The following UTP14C variants were observed in gnomAD, a reference collection of about 807,000 sequenced individuals.
UTP14C encodes the protein U3 small nucleolar RNA-associated protein 14 homolog C.
UTP14C carries 10 observed loss-of-function variants against 14.6 expected under a neutral mutation model. The observed-to-expected ratio is 0.68, with a 90% CI of 0.42 to 1.16. The LOEUF is 1.16. Among genes scored for constraint, UTP14C ranks in the 50% most tolerant of loss-of-function variants. The pLI is 0.00. For synonymous variants in UTP14C, 315 were observed against 331.6 expected (o/e 0.95, Z 0.54); for missense variants, 818 against 890.8 (o/e 0.92, Z 1.04).
rs770374423 is a variant in UTP14C at position 52,030,698 on chromosome 13, G to A, written c.1894G>A (p.Glu632Lys). ...DVDLTLPGWG[E>K]WGGVGLKPSA... ...GGACCTGACACTACCTGGCTGGGGC[G>A]AGTGGGGTGGTGTGGGCCTAAAGCC... Residue 632 changes from glutamate (E) to lysine (K), a missense_variant, in exon 2 of 2, where the codon GAG (glutamate) becomes AAG (lysine). Transcript: ENST00000521776. The A allele has an allele frequency of 1.2e-5, 20 of 1,614,230 alleles. No individual in the cohort carries two copies. The highest frequency in any genetic ancestry group is 4.5e-5 in the East Asian group (2 of 44,892).
rs1381031496 is a variant in UTP14C, at chr13:52,029,152, GTTACCTC to G, written c.352_358del (p.Pro118ThrfsTer12). On this transcript the variant is annotated frameshift_variant, in exon 2 of 2. Transcript: ENST00000521776. LOFTEE classifies it low-confidence loss of function (END_TRUNC). ...GAGTCAAATCAAAGAAGGTGGTGGAGTTACCTCTTAACAAAGAAAAAATTGAACAGAT... is the reference window on the plus strand; with the variant it reads ...GAGTCAAATCAAAGAAGGTGGTGGAGTTAACAAAGAAAAAATTGAACAGAT... The G allele has an allele frequency of 6.8e-6, 11 of 1,614,204 alleles. No homozygotes were observed. The highest frequency in any genetic ancestry group is 8.5e-6 in the Non-Finnish European group (10 of 1,180,040).
In UTP14C at chr13:52,029,996, G is replaced by T; in HGVS notation, c.1192G>T (p.Ala398Ser). 1 of 1,614,262 alleles carries T rather than the reference G, an allele frequency of 6.2e-7. No homozygotes were observed. The highest frequency in any genetic ancestry group is 8.5e-7 in the Non-Finnish European group (1 of 1,180,048). The change falls in exon 2 of 2, where the codon GCA becomes TCA. Residue 398 changes from alanine to serine, a missense_variant. Physicochemically the swap from Ala to Ser is moderately conservative, Grantham distance 99 (BLOSUM62 1). Coordinates refer to ENST00000521776, the MANE Select transcript of UTP14C (RefSeq NM_021645.6). The part of the protein sequence containing the change: ...QEDPEQVPEL[A>S]AHEVSASEAE... ...GGACCCTGAGCAAGTGCCAGAGCTT[G>T]CAGCTCATGAGGTTTCTGCAAGTGA...
At position 52,030,702 on chromosome 13, in the gene UTP14C, G is replaced by C. The variant is rs1482405477; in HGVS notation, c.1898G>C (p.Trp633Ser). The C allele has an allele frequency of 1.9e-6, 3 of 1,614,194 alleles. No individual in the cohort carries two copies. Among genetic ancestry groups the C allele is most frequent in the Non-Finnish European group, 2.5e-6 (3 of 1,180,036 alleles). ...CTGACACTACCTGGCTGGGGCGAGTGGGGTGGTGTGGGCCTAAAGCCCAGT... is the reference window on the plus strand; with the variant it reads ...CTGACACTACCTGGCTGGGGCGAGTCGGGTGGTGTGGGCCTAAAGCCCAGT... ...VDLTLPGWGE[W>S]GGVGLKPSAK... Residue 633 changes from tryptophan to serine, a missense_variant, in exon 2 of 2, where the codon TGG (tryptophan) becomes TCG (serine). Transcript: ENST00000521776.
chr13:52,030,267 A>T lies in UTP14C; in HGVS notation c.1463A>T (p.Glu488Val), dbSNP rs1471100093. 6.2e-7 allele frequency: 1 copy of T among 1,614,242 alleles called. No individual in the cohort carries two copies. Among genetic ancestry groups the T allele is most frequent in the East Asian group, 2.2e-5 (1 of 44,884 alleles). ...GGGACTGTTCCCCAGGTCCAGAGAGAGGAACCTGCCCCAGAAGAAGCGGAA... is the reference window on the plus strand; with the variant it reads ...GGGACTGTTCCCCAGGTCCAGAGAGTGGAACCTGCCCCAGAAGAAGCGGAA... ...SEGTVPQVQR[E>V]EPAPEEAEPL... Residue 488 changes from glutamate to valine, a missense_variant, in exon 2 of 2, where the codon GAG (glutamate) becomes GTG (valine). Transcript: ENST00000521776.
rs568068560 is a variant in UTP14C, at chr13:52,031,954, G to T, written c.*849G>T. ...ACGACAGTTAAGGGCTGGGTGCGGTGTCTCACACCTGTAATCCCAGCACTT... is the reference window on the plus strand; with the variant it reads ...ACGACAGTTAAGGGCTGGGTGCGGTTTCTCACACCTGTAATCCCAGCACTT... On this transcript the variant is annotated 3_prime_UTR_variant, in exon 2 of 2. Coordinates refer to ENST00000521776, the MANE Select transcript of UTP14C (RefSeq NM_021645.6). 114 of 166,462 alleles carry T rather than the reference G, an allele frequency of 6.8e-4. 2 individuals carry two copies. Among genetic ancestry groups the T allele is most frequent in the South Asian group, 1.9e-3 (9 of 4,828 alleles). The allele number at this position is 166,462 out of a possible 1,614,324, so 10.3% of individuals were successfully genotyped here.
Position 52,030,804 on chromosome 13 carries a change from T to A in UTP14C, c.2000T>A (p.Ile667Asn). ...AAAGATAAGAATTTGCCAAATGTGA[T>A]TATCAGTGAGAAGCGCAACATCCAC... ...PRKDKNLPNVIISEKRNIHAA... is the reference protein window; with the variant it reads ...PRKDKNLPNVNISEKRNIHAA... The change falls in exon 2 of 2, where the codon ATT becomes AAT. Residue 667 changes from isoleucine (I) to asparagine (N), a missense_variant. Transcript: ENST00000521776. 6.2e-7 allele frequency: 1 copy of A among 1,614,180 alleles called. No homozygotes were observed. Among genetic ancestry groups the A allele is most frequent in the Non-Finnish European group, 8.5e-7 (1 of 1,180,034 alleles).
Position 52,024,812 on chromosome 13 carries a change from C to T in UTP14C, c.-612C>T. 6.2e-7 allele frequency: 1 copy of T among 1,614,092 alleles called. No homozygotes were observed. Among genetic ancestry groups the T allele is most frequent in the East Asian group, 2.2e-5 (1 of 44,886 alleles). On this transcript the variant is annotated 5_prime_UTR_variant, in exon 1 of 2. Transcript: ENST00000521776. Reference sequence around the variant, plus strand: ...AGGGTAAACCAACTGAGAAGGCTGTCTGAGGATTTAGGAGTTCAAGAATAT... The same window carrying T: ...AGGGTAAACCAACTGAGAAGGCTGTTTGAGGATTTAGGAGTTCAAGAATAT...
At chr13:52,028,220 A>G (rs1428994396) in intron 1 of UTP14C, 99 bp from the exon 2 acceptor site, 19 of 1,401,738 alleles carry the variant, frequency 1.4e-5, no homozygotes, top group African/African-American at 1.4e-5. Context: ...TAAGTTTCTC[A>G]TAAGTCCCTT....
chr13:52,030,901 G>C lies in UTP14C; in HGVS notation c.2097G>C (p.Gln699His). Residue 699 changes from glutamine (Q) to histidine (H), a missense_variant, in exon 2 of 2, where the codon CAG (glutamine) becomes CAC (histidine). Transcript: ENST00000521776. ...THHRQFERTI[Q>H]TPIGSTWNTQ... ...ATCGGCAATTTGAAAGGACCATCCA[G>C]ACCCCTATAGGATCCACATGGAACA... 6.2e-7 allele frequency: 1 copy of C among 1,614,130 alleles called. No homozygotes were observed. The highest frequency in any genetic ancestry group is 8.5e-7 in the Non-Finnish European group (1 of 1,180,026).
At position 52,031,502 on chromosome 13, in the gene UTP14C, C is replaced by T. The variant is rs1442960678; in HGVS notation, c.*397C>T. 1 of 190,250 alleles carries T rather than the reference C, an allele frequency of 5.3e-6. No individual in the cohort carries two copies. The highest frequency in any genetic ancestry group is 1.5e-4 in the East Asian group (1 of 6,598). 11.8% of individuals were successfully genotyped at this position (190,250 alleles called of 1,614,324 possible). ...GGTGCTGCCAGCAATCCTTTCCATA[C>T]TAGGTACTGGTGAAAATTGTTTTTG... On this transcript the variant is annotated 3_prime_UTR_variant, in exon 2 of 2. Coordinates refer to ENST00000521776, the MANE Select transcript of UTP14C (RefSeq NM_021645.6).
rs1954327023 is a variant in UTP14C at position 52,033,495 on chromosome 13, A to G, written c.*2390A>G. 1 of 167,054 alleles carries G rather than the reference A, an allele frequency of 6.0e-6. No individual in the cohort carries two copies. Among genetic ancestry groups the G allele is most frequent in the Admixed American group, 6.5e-5 (1 of 15,272 alleles). The allele number at this position is 167,054 out of a possible 1,614,324, so 10.3% of individuals were successfully genotyped here. On this transcript the variant is annotated 3_prime_UTR_variant, in exon 2 of 2. Transcript: ENST00000521776. ...GATTCTTTCCAGTGTGGTGCCTTTT[A>G]TATGCCTCACATAGTCTCCTTGTTC...
Position 52,030,239 on chromosome 13 carries a change from G to A in UTP14C, c.1435G>A (p.Glu479Lys). The A allele has an allele frequency of 3.1e-6, 5 of 1,614,246 alleles. No homozygotes were observed. The highest frequency in any genetic ancestry group is 4.2e-6 in the Non-Finnish European group (5 of 1,180,042). Residue 479 changes from glutamate (E) to lysine (K), a missense_variant, in exon 2 of 2, where the codon GAG (glutamate) becomes AAG (lysine). By Grantham distance (56) the Glu-to-Lys change is moderately conservative (BLOSUM62 1). Transcript: ENST00000521776. ...HQSRKQKASS[E>K]GTVPQVQREE... ...GTCCAGGAAGCAAAAAGCAAGTTCAGAGGGGACTGTTCCCCAGGTCCAGAG... is the reference window on the plus strand; with the variant it reads ...GTCCAGGAAGCAAAAAGCAAGTTCAAAGGGGACTGTTCCCCAGGTCCAGAG...
At chr13:52,026,581 C>G (rs1226264314) in intron 1 of UTP14C, among the ~76,000 whole-genome samples, 1 of 151,982 alleles carries the variant, frequency 6.6e-6, no homozygotes, top group Non-Finnish European at 1.5e-5. Flanking sequence ...GTAGTATTGA[C>G]CAGGACTTGG....
intron 1 of UTP14C, 123 bp downstream of exon 1, chr13:52,025,060 A>G: frequency 4.5e-6 from 5 of 1,119,876 alleles, no homozygotes; most frequent in Non-Finnish European, 6.6e-6. Flanking sequence ...TCATCCACCA[A>G]ATGTGCTTTC....
chr13:52,028,883 T>G lies in UTP14C; in HGVS notation c.79T>G (p.Leu27Val), dbSNP rs1195876563. Reference sequence around the variant, plus strand: ...AGTGGATTTGCCAAAAAACTACCCCTTGAGTGAAAATGAAGATGAGGGGGA... The same window carrying G: ...AGTGGATTTGCCAAAAAACTACCCCGTGAGTGAAAATGAAGATGAGGGGGA... ...ELVDLPKNYP[L>V]SENEDEGDSD... Residue 27 changes from leucine to valine, a missense_variant, in exon 2 of 2, where the codon TTG (leucine) becomes GTG (valine). Coordinates refer to ENST00000521776, the MANE Select transcript of UTP14C (RefSeq NM_021645.6). 1.2e-6 allele frequency: 2 copies of G among 1,614,160 alleles called. No homozygotes were observed. Among genetic ancestry groups the G allele is most frequent in the Non-Finnish European group, 8.5e-7 (1 of 1,180,014 alleles).
rs774962929 is a variant in UTP14C, at chr13:52,030,198, T to G, written c.1394T>G (p.Leu465Trp). The G allele has an allele frequency of 4.3e-6, 7 of 1,614,030 alleles. No individual in the cohort carries two copies. Among genetic ancestry groups the G allele is most frequent in the South Asian group, 1.1e-5 (1 of 91,078 alleles). The change falls in exon 2 of 2, where the codon TTG becomes TGG. Residue 465 changes from leucine to tryptophan, a missense_variant. Coordinates refer to ENST00000521776, the MANE Select transcript of UTP14C (RefSeq NM_021645.6). ...LSELRALSQK[L>W]KEKHQSRKQK... The stretch of plus-strand genomic sequence containing the variant: ...GAATTGAGGGCACTATCTCAGAAAT[T>G]GAAGGAAAAACATCAGTCCAGGAAG...
At position 52,029,493 on chromosome 13, in the gene UTP14C, G is replaced by A. The variant is rs147874976; in HGVS notation, c.689G>A (p.Arg230Gln). Reference sequence around the variant, plus strand: ...CACCGAGCAGAGCTTCAGAGGGCTCGGGCTCTGCAGTCCTACTATGAGGCC... The same window carrying A: ...CACCGAGCAGAGCTTCAGAGGGCTCAGGCTCTGCAGTCCTACTATGAGGCC... ...KMHRAELQRA[R>Q]ALQSYYEAKA... Residue 230 changes from arginine (R) to glutamine (Q), a missense_variant, in exon 2 of 2, where the codon CGG (arginine) becomes CAG (glutamine). Arg to Gln is a conservative substitution (Grantham distance 43, BLOSUM62 1). Transcript: ENST00000521776. The A allele has an allele frequency of 1.7e-5, 27 of 1,614,136 alleles. No homozygotes were observed. The African/African-American group carries it at 2.0e-4, about 12-fold the overall frequency.
At position 52,030,161 on chromosome 13, in the gene UTP14C, G is replaced by A. The variant is rs1241003805; in HGVS notation, c.1357G>A (p.Glu453Lys). The change falls in exon 2 of 2, where the codon GAG becomes AAG. Residue 453 changes from glutamate to lysine, a missense_variant. Coordinates refer to ENST00000521776, the MANE Select transcript of UTP14C (RefSeq NM_021645.6). ...SQETKDSSSQ[E>K]VLSELRALSQ... ...AGAAACAAAAGATTCTAGCAGCCAGGAGGTGCTGTCCGAATTGAGGGCACT... is the reference window on the plus strand; with the variant it reads ...AGAAACAAAAGATTCTAGCAGCCAGAAGGTGCTGTCCGAATTGAGGGCACT... 2.5e-6 allele frequency: 4 copies of A among 1,614,100 alleles called. No individual in the cohort carries two copies. In the African/African-American group the frequency reaches 5.3e-5, roughly 22 times the overall value.
Position 52,029,845 on chromosome 13 carries a change from A to G in UTP14C, c.1041A>G (p.Gly347=). 6.2e-7 allele frequency: 1 copy of G among 1,614,206 alleles called. No individual in the cohort carries two copies. Residue 347 remains glycine, a synonymous_variant, in exon 2 of 2, where the codon GGA becomes GGG. Coordinates refer to ENST00000521776, the MANE Select transcript of UTP14C (RefSeq NM_021645.6). ...QVASESEEEE[G]GTEVEELLVP... ...CCTCTGAGAGTGAGGAAGAGGAGGG[A>G]GGCACAGAAGTGGAAGAACTCCTTG...
Sources: allele counts gnomAD v4.1 joint callset (sites outside exome capture counted in the v4.1 genomes callset), GRCh38; gene constraint gnomAD v4.1.1; transcripts MANE v1.5; gene names NCBI Gene and HGNC (gene_info 2026-07-23, HGNC 2026-07-21).